Variants in NECAB3 observed in about 807,000 individuals in gnomAD.
The protein encoded by NECAB3 is N-terminal EF-hand calcium binding protein 3, also known as N-terminal EF-hand calcium-binding protein 3.
NECAB3 carries 38 observed loss-of-function variants against 57.2 expected under a neutral mutation model. That is an observed-to-expected ratio of 0.66 (90% CI 0.51 to 0.87). NECAB3 has a LOEUF of 0.87. Among genes scored for constraint, NECAB3 ranks in the 40% least tolerant of loss-of-function variants. The probability of loss-of-function intolerance (pLI) is 0.00; values close to 1 mark genes in which losing one functional copy is unlikely to be tolerated. For missense variants in NECAB3, 474 were observed against 527.5 expected, an observed-to-expected ratio of 0.90 and a Z score of 0.99; for synonymous variants, 223 against 222.6, an observed-to-expected ratio of 1.00 and a Z score of -0.02.
Position 33,660,082 on chromosome 20 carries a change from T to C in NECAB3, c.525-79A>G. 6.6e-7 allele frequency: 1 copy of C among 1,523,858 alleles called. No homozygotes were observed. Among genetic ancestry groups the C allele is most frequent in the Non-Finnish European group, 8.8e-7 (1 of 1,136,608 alleles). The allele number at this position is 1,523,858 out of a possible 1,614,324, so 94.4% of individuals were successfully genotyped here. ...GCCTGGGTGGGGAAGACAAGCCTCC[T>C]GGGACTCCGAGGCCTAGCCCCAAAG... is the stretch of plus-strand genomic sequence containing the variant. On this transcript the variant is annotated intron_variant, in intron 6 of 11. Coordinates refer to ENST00000246190, the MANE Select transcript of NECAB3 (RefSeq NM_031232.4). The surrounding 1 kb of genome is among the most constrained non-coding windows in gnomAD (Gnocchi z 4.1).
chr20:33,670,453 T>G, intron 3 of NECAB3: 3 of 436,350 alleles, frequency 6.9e-6, no homozygotes, highest in Non-Finnish European at 1.2e-5. Flanking sequence ...AGCTGAGCCA[T>G]GGGTGGTGAC....
Position 33,660,226 on chromosome 20 carries a change from C to G in NECAB3, c.524+33G>C, listed in dbSNP as rs556202122. On this transcript the variant is annotated intron_variant, in intron 6 of 11. Transcript: ENST00000246190. This position sits in a 1 kb window ranked among gnomAD's most constrained non-coding sequence, Gnocchi z 4.1. ...TGGGGGTACAATGGGCGCTTGTGCA[C>G]TAGCCCCACAGGTTGACAGCACCCT... 1.2e-6 allele frequency: 2 copies of G among 1,605,642 alleles called. No individual in the cohort carries two copies. The highest frequency in any genetic ancestry group is 1.1e-5 in the South Asian group (1 of 90,846).
At position 33,660,038 on chromosome 20, in the gene NECAB3, G is replaced by A. The variant is rs1462647675; in HGVS notation, c.525-35C>T. 1.3e-6 allele frequency: 2 copies of A among 1,562,468 alleles called. No homozygotes were observed. The highest frequency in any genetic ancestry group is 1.1e-5 in the South Asian group (1 of 87,044). ...GTGAGGCTCACAGGGCCGAGGACTG[G>A]GGCCCCAGGACGGGATAAGCCTGGG... On this transcript the variant is annotated intron_variant, in intron 6 of 11. Coordinates refer to ENST00000246190, the MANE Select transcript of NECAB3 (RefSeq NM_031232.4). The surrounding 1 kb of genome is among the most constrained non-coding windows in gnomAD (Gnocchi z 4.1).
At chr20:33,658,590 G>A in intron 9 of NECAB3, 36 bp from the exon 10 acceptor site, 9 of 1,609,956 alleles carry the variant, frequency 5.6e-6, no homozygotes, top group Non-Finnish European at 7.6e-6. Flanking sequence ...CCAGGCCAGG[G>A]CTGCCACCAC....
At chr20:33,668,506 C>A in intron 5 of NECAB3, 1 of 399,082 alleles carries the variant, frequency 2.5e-6, no homozygotes, top group Non-Finnish European at 4.6e-6. Flanking sequence ...AAAGGTGATG[C>A]CCCACTTGTG....
chr20:33,663,202 G>C (rs1267145748), intron 5 of NECAB3, among the ~76,000 whole-genome samples: 1 of 152,240 alleles, frequency 6.6e-6, no homozygotes, highest in African/African-American at 2.4e-5. Context: ...TGGACCAGGC[G>C]GGGGTGGGAG....
At chr20:33,669,279 C>T (rs747314893) in intron 5 of NECAB3, 96 bp downstream of exon 5, 45 of 1,315,260 alleles carry the variant, frequency 3.4e-5, no homozygotes, top group Middle Eastern at 1.8e-4. Flanking sequence ...AAGCCCCTAG[C>T]TCTATAACCC....
At position 33,663,969 on chromosome 20, in the gene NECAB3, CAGCCTAGG is replaced by C. The variant is rs915492971; in HGVS notation, c.388-3582_388-3575del. 1.3e-5 allele frequency: 14 copies of C among 1,075,522 alleles called. No individual in the cohort carries two copies. The African/African-American group carries it at 2.4e-4, about 18-fold the overall frequency. The allele number at this position is 1,075,522 out of a possible 1,614,324, so 66.6% of individuals were successfully genotyped here. A position where few individuals can be genotyped will look rare whatever the true frequency, so the allele number is the denominator to read the frequency against. On this transcript the variant is annotated intron_variant, in intron 5 of 11. Transcript: ENST00000246190. ...GCGCGGAGTCGGGGTGGGCAAAGCTCAGCCTAGGAGCCGCAGAGGGGTGAACGGGGCGT... is the reference window on the plus strand; with the variant it reads ...GCGCGGAGTCGGGGTGGGCAAAGCTCAGCCGCAGAGGGGTGAACGGGGCGT...
rs549468451 is a variant in NECAB3, at chr20:33,672,893, C to T, written c.130-471G>A. Among the ~76,000 whole-genome samples, 13 of 152,296 alleles carry T rather than the reference C, an allele frequency of 8.5e-5. No individual in the cohort carries two copies. In the East Asian group the frequency reaches 1.9e-3, roughly 23 times the overall value. On this transcript the variant is annotated intron_variant, in intron 1 of 11. Transcript: ENST00000246190. ...CTGCCCTCTCTGAGCTGTTTCCTTG[C>T]GTGCTGTTGAAAACCAACAGCAGGC...
Position 33,658,532 on chromosome 20 carries a change from C to G in NECAB3, c.1015G>C (p.Asp339His). The G allele has an allele frequency of 6.2e-7, 1 of 1,614,096 alleles. No individual in the cohort carries two copies. Among genetic ancestry groups the G allele is most frequent in the Non-Finnish European group, 8.5e-7 (1 of 1,180,004 alleles). ...TCATACAGGGTGAAGGAGGCACCGTCCAGCATCTTCTGGGCGGACACACTG... is the reference window on the plus strand; with the variant it reads ...TCATACAGGGTGAAGGAGGCACCGTGCAGCATCTTCTGGGCGGACACACTG... The part of the protein sequence containing the change: ...CLHVSAQKML[D>H]GASFTLYEFW... Residue 339 changes from aspartate (D) to histidine (H), a missense_variant, in exon 10 of 12, where the codon GAC becomes CAC. By Grantham distance (81) the Asp-to-His change is moderately conservative. Transcript: ENST00000246190.
intron 5 of NECAB3, chr20:33,668,000 G>C: frequency 6.5e-7 from 1 of 1,544,228 alleles, no homozygotes; most frequent in African/African-American, 1.4e-5. Flanking sequence ...CTAGCCGGCG[G>C]CTCCACACTG....
chr20:33,668,085 G>GC (rs757401056), intron 5 of NECAB3: 3 of 1,594,400 alleles, frequency 1.9e-6, no homozygotes, highest in Non-Finnish European at 2.6e-6. Flanking sequence ...CGGCCCTGCG[G>GC]CCCCACCTGG....
At chr20:33,673,607 T>C (rs2017877686) in intron 1 of NECAB3, among the ~76,000 whole-genome samples, 1 of 151,040 alleles carries the variant, frequency 6.6e-6, no homozygotes, top group African/African-American at 2.4e-5. Context: ...GTCAAGGTGC[T>C]GAGTCACTAG....
intron 3 of NECAB3, 144 bp from the exon 4 acceptor site, chr20:33,669,856 G>T (rs1160758624): frequency 2.4e-6 from 2 of 840,128 alleles, no homozygotes; most frequent in Non-Finnish European, 3.7e-6. Context: ...AGTTGCTCCT[G>T]TGGACAGAGT....
At position 33,662,591 on chromosome 20, in the gene NECAB3, G is replaced by A. The variant is rs927229033; in HGVS notation, c.388-2196C>T. 7 of 1,193,756 alleles carry A rather than the reference G, an allele frequency of 5.9e-6. No homozygotes were observed. The African/African-American group carries it at 7.7e-5, about 13-fold the overall frequency. 73.9% of individuals were successfully genotyped at this position (1,193,756 alleles called of 1,614,324 possible). On this transcript the variant is annotated intron_variant, in intron 5 of 11. Transcript: ENST00000246190. ...CTTGTATGCAGAAGTCCTAGGGGGTGAGGGAGGAATTCGAAAATCTCTCCC... is the reference window on the plus strand; with the variant it reads ...CTTGTATGCAGAAGTCCTAGGGGGTAAGGGAGGAATTCGAAAATCTCTCCC...
intron 2 of NECAB3, 27 bp from the exon 3 acceptor site, chr20:33,670,819 G>T: frequency 6.4e-7 from 1 of 1,560,736 alleles, no homozygotes; most frequent in African/African-American, 1.4e-5. Context: ...AGGACAGGGA[G>T]CAGAGGAGGT....
intron 5 of NECAB3, 85 bp downstream of exon 5, chr20:33,669,290 T>C (rs2017773744): frequency 1.1e-5 from 16 of 1,426,882 alleles, no homozygotes; most frequent in Non-Finnish European, 1.4e-5. Context: ...TCTATAACCC[T>C]GAGTCAAGAC....
rs1315121090 is a variant in NECAB3 at position 33,660,250 on chromosome 20, C to T, written c.524+9G>A. ...ACTAGCCCCACAGGTTGACAGCACCCTTACATACCGCCAGCCATGGGCCTG... is the reference window on the plus strand; with the variant it reads ...ACTAGCCCCACAGGTTGACAGCACCTTTACATACCGCCAGCCATGGGCCTG... On this transcript the variant is annotated intron_variant, in intron 6 of 11. Coordinates refer to ENST00000246190, the MANE Select transcript of NECAB3 (RefSeq NM_031232.4). The surrounding 1 kb of genome is among the most constrained non-coding windows in gnomAD (Gnocchi z 4.1). 4.3e-6 allele frequency: 7 copies of T among 1,612,012 alleles called. No individual in the cohort carries two copies. The East Asian group carries it at 1.1e-4, about 26-fold the overall frequency.
At chr20:33,672,617 C>T (rs776820585) in intron 1 of NECAB3, among the ~76,000 whole-genome samples, 195 bp from the exon 2 acceptor site, 6 of 152,224 alleles carry the variant, frequency 3.9e-5, no homozygotes, top group Non-Finnish European at 7.3e-5. Flanking sequence ...AGGAAGAGCA[C>T]GCAGCGGGTG....
Sources: allele counts gnomAD v4.1 joint callset (sites outside exome capture counted in the v4.1 genomes callset), GRCh38; gene constraint gnomAD v4.1.1; non-coding constraint Gnocchi (gnomAD v3.1); transcripts MANE v1.5; gene names NCBI Gene and HGNC (gene_info 2026-07-23, HGNC 2026-07-21).